Variants in CSMD1 observed in about 807,000 individuals in gnomAD.
The protein encoded by CSMD1 is CUB and Sushi multiple domains 1, also known as CUB and sushi domain-containing protein 1.
A neutral mutation model predicts 417.5 loss-of-function variants in CSMD1; 213 were observed. That is an observed-to-expected ratio of 0.51 (90% CI 0.46 to 0.57). CSMD1 has a LOEUF of 0.57. Ranked by LOEUF, CSMD1 falls within the 20% of genes least tolerant of loss-of-function variation. CSMD1 has a pLI of 0.00. For synonymous variants in CSMD1, 2,862 were observed against 1,736.8 expected, an observed-to-expected ratio of 1.65 and a Z score of -16.11; for missense variants, 6,923 against 4,529.7, an observed-to-expected ratio of 1.53 and a Z score of -15.17.
In CSMD1 at chr8:4,273,789, C is replaced by A. The variant is rs576002721; in HGVS notation, c.415+146164G>T. On this transcript the variant is annotated intron_variant, in intron 3 of 69. Transcript: ENST00000635120. Reference sequence around the variant, plus strand: ...TTTAGCCTCTGTAAGCTTCTGTCTGCGTGTATGTCTGGTGAAACCTGTACT... The same window carrying A: ...TTTAGCCTCTGTAAGCTTCTGTCTGAGTGTATGTCTGGTGAAACCTGTACT... Among the ~76,000 whole-genome samples the A allele has an allele frequency of 6.6e-5, 10 of 152,240 alleles. No individual in the cohort carries two copies. In the South Asian group the frequency reaches 1.7e-3, roughly 25 times the overall value.
chr8:2,949,909 T>C (rs1362713320), intron 67 of CSMD1, among the ~76,000 whole-genome samples: 1 of 152,140 alleles, frequency 6.6e-6, no homozygotes, highest in African/African-American at 2.4e-5. Flanking sequence ...TCAAGCGGTC[T>C]TGGAAAATTT....
intron 5 of CSMD1, among the ~76,000 whole-genome samples, chr8:3,887,085 G>C (rs558234544): frequency 1.5e-4 from 23 of 152,238 alleles, no homozygotes; most frequent in African/African-American, 5.1e-4. Context: ...TCCCACTCTA[G>C]CTGAGCTCTG....
intron 5 of CSMD1, among the ~76,000 whole-genome samples, chr8:3,754,698 G>C (rs146370087): frequency 3.9e-5 from 6 of 152,294 alleles, no homozygotes; most frequent in African/African-American, 1.4e-4. Context: ...CAGGTGATCT[G>C]CCTGCCTTGG....
intron 7 of CSMD1, among the ~76,000 whole-genome samples, chr8:3,620,098 A>C (rs187398645): frequency 6.6e-6 from 1 of 152,270 alleles, no homozygotes; most frequent in East Asian, 1.9e-4. Context: ...CAAGGCTCCA[A>C]CTGAAGAAAA....
chr8:3,000,108 G>T lies in CSMD1; in HGVS notation c.8053C>A (p.Pro2685Thr), dbSNP rs1282817580. 2 of 1,557,508 alleles carry T rather than the reference G, an allele frequency of 1.3e-6. No individual in the cohort carries two copies. The highest frequency in any genetic ancestry group is 3.6e-5 in the Admixed American group (2 of 55,134). Reference sequence around the variant, plus strand: ...CCACTAATGTGACCGTTCACAATCGGGTCTGGGGAACCGCAGTGGCCAGCT... The same window carrying T: ...CCACTAATGTGACCGTTCACAATCGTGTCTGGGGAACCGCAGTGGCCAGCT... ...CLAGHCGSPDPIVNGHISGDG... is the reference protein window; with the variant it reads ...CLAGHCGSPDTIVNGHISGDG... The change falls in exon 53 of 70, where the codon CCG (proline) becomes ACG (threonine). Residue 2685 changes from proline to threonine, a missense_variant. Pro to Thr is a conservative substitution (Grantham distance 38). Transcript: ENST00000635120.
intron 26 of CSMD1, among the ~76,000 whole-genome samples, chr8:3,246,091 A>G (rs147604320): frequency 4.9e-4 from 74 of 152,196 alleles, no homozygotes; most frequent in Middle Eastern, 3.4e-3. Flanking sequence ...CACTGCATCT[A>G]GGAAGATCTG....
chr8:3,693,190 T>C (rs1800350264), intron 7 of CSMD1, among the ~76,000 whole-genome samples: 2 of 152,296 alleles, frequency 1.3e-5, no homozygotes, highest in East Asian at 1.9e-4. Context: ...CAGGAGTCAA[T>C]GAATCAATAC....
At chr8:4,584,513 AC>A (rs199789531) in intron 2 of CSMD1, among the ~76,000 whole-genome samples, 6,280 of 151,686 alleles carry the variant, frequency 0.041, 433 homozygotes, top group African/African-American at 0.14. Flanking sequence ...CTCTCTAACA[AC>A]CCCCAACTCT....
chr8:3,892,237 A>C (rs1807024490), intron 5 of CSMD1, among the ~76,000 whole-genome samples: 1 of 152,188 alleles, frequency 6.6e-6, no homozygotes, highest in Non-Finnish European at 1.5e-5. Flanking sequence ...GAGGTCAAGC[A>C]TTTACTCAGA....
At chr8:3,912,726 G>A (rs367705104) in intron 5 of CSMD1, among the ~76,000 whole-genome samples, 1 of 152,166 alleles carries the variant, frequency 6.6e-6, no homozygotes, top group Non-Finnish European at 1.5e-5. Flanking sequence ...AAATGTCCAA[G>A]ATGAGCCTGA....
chr8:4,728,126 A>G (rs1023159323), intron 1 of CSMD1, among the ~76,000 whole-genome samples: 2 of 147,146 alleles, frequency 1.4e-5, no homozygotes, highest in Admixed American at 1.4e-4. Context: ...ATATTTAGAC[A>G]TAAGATCATA....
chr8:3,204,418 T>C (rs1797139638), intron 31 of CSMD1, among the ~76,000 whole-genome samples: 1 of 152,038 alleles, frequency 6.6e-6, no homozygotes, highest in South Asian at 2.1e-4. Context: ...AAAAATTATT[T>C]CATTCAAATT....
At chr8:4,570,332 T>C (rs112900057) in intron 2 of CSMD1, among the ~76,000 whole-genome samples, 2,553 of 151,718 alleles carry the variant, frequency 0.017, 70 homozygotes, top group African/African-American at 0.058. Context: ...TAGTTTATTA[T>C]TTTTAGCATG....
At chr8:4,973,573 G>T (rs117811545) in intron 1 of CSMD1, among the ~76,000 whole-genome samples, 3,401 of 152,208 alleles carry the variant, frequency 0.022, 61 homozygotes, top group South Asian at 0.036. Flanking sequence ...AAACATCTCT[G>T]CAATCAAACA....
chr8:4,719,900 G>T (rs958182525), intron 1 of CSMD1, among the ~76,000 whole-genome samples: 2 of 151,898 alleles, frequency 1.3e-5, no homozygotes, highest in African/African-American at 4.8e-5. Flanking sequence ...ATCTATATTC[G>T]ACCTCACTTT....
chr8:4,796,077 G>C (rs941457863), intron 1 of CSMD1, among the ~76,000 whole-genome samples: 1 of 152,140 alleles, frequency 6.6e-6, no homozygotes, highest in African/African-American at 2.4e-5. Flanking sequence ...GCATTACAAA[G>C]ACAAGTAAAT....
intron 7 of CSMD1, among the ~76,000 whole-genome samples, chr8:3,675,001 GGTTTTTAATGCCCA>G (rs1484433465): frequency 3.3e-5 from 5 of 152,164 alleles, no homozygotes; most frequent in Admixed American, 3.3e-4. Flanking sequence ...CTCCCTGGAA[GGTTTTTAATGCCCA>G]GTGATGCAGG....
chr8:3,337,941 G>T (rs1006532795), intron 23 of CSMD1, among the ~76,000 whole-genome samples: 1 of 152,130 alleles, frequency 6.6e-6, no homozygotes, highest in African/African-American at 2.4e-5. Flanking sequence ...GGGAAGCTCG[G>T]CTAGGTTTTC....
intron 3 of CSMD1, among the ~76,000 whole-genome samples, chr8:4,247,887 G>A (rs558222539): frequency 6.6e-6 from 1 of 152,074 alleles, no homozygotes; most frequent in Non-Finnish European, 1.5e-5. Context: ...AATTTTTCTT[G>A]AGGGATAAAT....
Sources: gnomAD v4.1 joint callset for allele counts (sites outside exome capture counted in the v4.1 genomes callset) on GRCh38, gnomAD v4.1.1 for gene constraint, MANE v1.5 for transcripts, NCBI Gene and HGNC (gene_info 2026-07-23, HGNC 2026-07-21) for gene names.